TFEC: variants seen among roughly 807,000 people sequenced by gnomAD.
TFEC encodes the protein class E basic helix-loop-helix protein 34.
TFEC carries 31 observed loss-of-function variants against 41.6 expected under a neutral mutation model. That is an observed-to-expected ratio of 0.74 (90% CI 0.56 to 1.01). The LOEUF is 1.01. Among genes scored for constraint, TFEC ranks in the 50% least tolerant of loss-of-function variants. The probability of loss-of-function intolerance (pLI) is 0.00; values close to 1 mark genes in which losing one functional copy is unlikely to be tolerated. For synonymous variants in TFEC, 143 were observed against 140.6 expected (o/e 1.02, Z -0.12); for missense variants, 402 against 404.1 (o/e 0.99, Z 0.04).
At chr7:116,145,742 T>C (rs6964941) in intron 1 of TFEC, among the ~76,000 whole-genome samples, 73,605 of 151,938 alleles carry the variant, frequency 0.48, 18,337 homozygotes, top group East Asian at 0.7. Flanking sequence ...ACAAATGGAC[T>C]TGAATTCTTC....
At chr7:116,109,997 G>A (rs1797814705) in intron 3 of TFEC, among the ~76,000 whole-genome samples, 3 of 152,212 alleles carry the variant, frequency 2.0e-5, no homozygotes, top group East Asian at 1.9e-4. Context: ...AACACCGCAT[G>A]TTCTCACTCA....
intron 3 of TFEC, among the ~76,000 whole-genome samples, chr7:116,056,593 G>T (rs1369094208): frequency 1.3e-5 from 2 of 152,092 alleles, no homozygotes; most frequent in African/African-American, 2.4e-5. Context: ...AGCACAGAAA[G>T]ATCTCGCCTC....
chr7:115,984,493 A>G lies in TFEC; in HGVS notation c.-52T>C. The stretch of plus-strand genomic sequence containing the variant: ...CTTTCTGTAGCTGAGGCCTTGCAGA[A>G]CTTTCCAGGTGTGCTGGGACCTACA... On this transcript the variant is annotated 5_prime_UTR_variant, in exon 2 of 8. Transcript: ENST00000265440. The G allele has an allele frequency of 6.2e-7, 1 of 1,613,968 alleles. No homozygotes were observed. The highest frequency in any genetic ancestry group is 8.5e-7 in the Non-Finnish European group (1 of 1,179,938).
intron 3 of TFEC, among the ~76,000 whole-genome samples, chr7:116,049,592 TA>T (rs1188775203): frequency 1.3e-5 from 2 of 152,126 alleles, no homozygotes; most frequent in Non-Finnish European, 2.9e-5. Context: ...TTAACAAGGA[TA>T]TACAGGAATT....
intron 3 of TFEC, among the ~76,000 whole-genome samples, chr7:116,050,634 A>C (rs1796286217): frequency 6.6e-6 from 1 of 152,226 alleles, no homozygotes; most frequent in Non-Finnish European, 1.5e-5. Flanking sequence ...AATCATTAAA[A>C]AGTCAAGAAA....
chr7:116,126,719 T>G lies in TFEC; in HGVS notation c.-68-14681A>C, dbSNP rs571657786. 4.0e-4 allele frequency among the ~76,000 whole-genome samples: 61 copies of G among 152,272 alleles called. No homozygotes were observed. In the South Asian group the frequency reaches 0.012, roughly 31 times the overall value. On this transcript the variant is annotated intron_variant, in intron 1 of 8. Coordinates refer to the TFEC transcript ENST00000484212. ...TTAAAATTTTATTTCCCTTTTACACTCCTTTGATCCACCACTGAATGATAT... is the reference window on the plus strand; with the variant it reads ...TTAAAATTTTATTTCCCTTTTACACGCCTTTGATCCACCACTGAATGATAT...
At chr7:116,151,130 T>C (rs1043525907) in intron 1 of TFEC, among the ~76,000 whole-genome samples, 4 of 152,312 alleles carry the variant, frequency 2.6e-5, no homozygotes, top group African/African-American at 9.6e-5. Context: ...TAAAGAAATA[T>C]GTGAGAAAGT....
At chr7:116,098,311 C>T (rs1797518280) in intron 3 of TFEC, among the ~76,000 whole-genome samples, 1 of 152,038 alleles carries the variant, frequency 6.6e-6, no homozygotes, top group Admixed American at 6.6e-5. Flanking sequence ...AGGCGTGCAC[C>T]ACCACGCCCA....
rs764342019 is a variant in TFEC at position 115,974,237 on chromosome 7, T to C, written c.200A>G (p.Asp67Gly). The change falls in exon 3 of 8, where the codon GAT becomes GGT. Residue 67 changes from aspartate to glycine, a missense_variant. Coordinates refer to ENST00000265440, the MANE Select transcript of TFEC (RefSeq NM_012252.4). ...AAAACTTGATTCCATACCGATTATA[T>C]CCTCAATAACGTCCTCCATCTAGCA... The part of the protein sequence containing the change: ...AQWHMEDVIE[D>G]IIGMESSFKE... The C allele has an allele frequency of 1.3e-6, 2 of 1,593,410 alleles. No individual in the cohort carries two copies. Among genetic ancestry groups the C allele is most frequent in the East Asian group, 2.3e-5 (1 of 43,756 alleles).
intron 1 of TFEC, among the ~76,000 whole-genome samples, chr7:116,149,776 C>T (rs1584574593): frequency 6.6e-6 from 1 of 152,274 alleles, no homozygotes; most frequent in African/African-American, 2.4e-5. Flanking sequence ...ATTGTCCCAA[C>T]TCCTGCATTC....
At chr7:116,000,921 G>T (rs1346164496) in intron 1 of TFEC, among the ~76,000 whole-genome samples, 1 of 149,368 alleles carries the variant, frequency 6.7e-6, no homozygotes, top group Non-Finnish European at 1.5e-5. Flanking sequence ...AAATACTAAT[G>T]ACATTCTTCA....
intron 1 of TFEC, among the ~76,000 whole-genome samples, chr7:116,143,506 T>A (rs1207093228): frequency 6.6e-6 from 1 of 152,154 alleles, no homozygotes; most frequent in Non-Finnish European, 1.5e-5. Flanking sequence ...GGGACAAACA[T>A]CAGTCCAGGG....
chr7:115,976,112 C>T (rs1223410986), intron 2 of TFEC, among the ~76,000 whole-genome samples: 5 of 152,000 alleles, frequency 3.3e-5, no homozygotes. Flanking sequence ...ATTTTAATTT[C>T]ATTTAATTTT....
chr7:115,955,354 G>A (rs1377967086), intron 4 of TFEC, among the ~76,000 whole-genome samples: 1 of 152,070 alleles, frequency 6.6e-6, no homozygotes, highest in Non-Finnish European at 1.5e-5. Flanking sequence ...GATAATAGGA[G>A]AAATTTTTAA....
At chr7:116,114,501 G>A (rs1330833402) in intron 1 of TFEC, among the ~76,000 whole-genome samples, 1 of 152,016 alleles carries the variant, frequency 6.6e-6, no homozygotes, top group Non-Finnish European at 1.5e-5. Context: ...TTTTCTAAAA[G>A]CAGCAATTCT....
chr7:116,108,132 G>A (rs575760140), intron 3 of TFEC, among the ~76,000 whole-genome samples: 1 of 152,204 alleles, frequency 6.6e-6, no homozygotes, highest in East Asian at 1.9e-4. Flanking sequence ...AAAATGTAAT[G>A]AAGTTAGAAA....
At chr7:116,063,135 A>T (rs1459310225) in intron 3 of TFEC, among the ~76,000 whole-genome samples, 1 of 152,228 alleles carries the variant, frequency 6.6e-6, no homozygotes, top group Admixed American at 6.5e-5. Flanking sequence ...ACATGGATGG[A>T]TCTCAAAATA....
At chr7:116,146,831 C>T (rs1049578800) in intron 1 of TFEC, among the ~76,000 whole-genome samples, 12 of 151,870 alleles carry the variant, frequency 7.9e-5, no homozygotes, top group African/African-American at 2.9e-4. Flanking sequence ...ATGAGTTTAC[C>T]TGATATATTT....
intron 6 of TFEC, among the ~76,000 whole-genome samples, chr7:115,947,996 TA>T: frequency 6.6e-6 from 1 of 152,062 alleles, no homozygotes; most frequent in Non-Finnish European, 1.5e-5. Context: ...ATAGATGCAA[TA>T]AGAAATGATA....
Sources: gnomAD v4.1 joint callset for allele counts (sites outside exome capture counted in the v4.1 genomes callset) on GRCh38, gnomAD v4.1.1 for gene constraint, MANE v1.5 for transcripts, NCBI Gene and HGNC (gene_info 2026-07-23, HGNC 2026-07-21) for gene names.